Variants in SNX30 observed in about 807,000 individuals in gnomAD.
SNX30 encodes the protein sorting nexin family member 30, also known as sorting nexin-30.
SNX30 carries 24 observed loss-of-function variants against 46.4 expected under a neutral mutation model. The ratio of observed to expected loss-of-function variants is 0.52; its 90% CI spans 0.37 to 0.73. The LOEUF is 0.73. SNX30 is among the 30% of genes least tolerant of loss of function. The pLI is 0.00. For synonymous variants in SNX30, 189 were observed against 211.5 expected (o/e 0.89, Z 0.92); for missense variants, 533 against 555.7 (o/e 0.96, Z 0.41).
intron 1 of SNX30, among the ~76,000 whole-genome samples, chr9:112,752,288 G>C (rs1839290433): frequency 6.6e-6 from 1 of 152,148 alleles, no homozygotes; most frequent in Non-Finnish European, 1.5e-5. Context: ...AGCAGGGAGT[G>C]AAGTTCCAAA....
chr9:112,867,593 C>T (rs1841382130), intron 8 of SNX30, among the ~76,000 whole-genome samples: 1 of 148,516 alleles, frequency 6.7e-6, no homozygotes, highest in Non-Finnish European at 1.5e-5. Flanking sequence ...CCTCCTGGCT[C>T]CTCAGGATTC....
intron 1 of SNX30, among the ~76,000 whole-genome samples, chr9:112,782,668 C>A (rs1839864731): frequency 2.7e-5 from 1 of 36,604 alleles, no homozygotes; most frequent in Admixed American, 3.2e-4. Flanking sequence ...TTTGAAGTTC[C>A]ATAGTTATCA....
At chr9:112,841,220 G>GTT (rs138375627) in intron 6 of SNX30, among the ~76,000 whole-genome samples, 12 of 151,898 alleles carry the variant, frequency 7.9e-5, no homozygotes, top group African/African-American at 2.7e-4. Context: ...AAATTACTCT[G>GTT]TTTTTTTTCC....
intron 2 of SNX30, among the ~76,000 whole-genome samples, chr9:112,813,517 G>A (rs987784881): frequency 6.8e-6 from 1 of 147,778 alleles, no homozygotes; most frequent in African/African-American, 2.5e-5. Flanking sequence ...CGCCCAGGCT[G>A]GAGTGCAGTG....
At chr9:112,775,619 A>G (rs914608310) in intron 1 of SNX30, among the ~76,000 whole-genome samples, 1 of 145,184 alleles carries the variant, frequency 6.9e-6, no homozygotes. Context: ...CAGAATTTAG[A>G]AGTTACAAAA....
chr9:112,827,778 T>TGAA (rs1840600376), intron 3 of SNX30, among the ~76,000 whole-genome samples: 1 of 152,252 alleles, frequency 6.6e-6, no homozygotes. Context: ...GTGTTTAATG[T>TGAA]CTTACTTTGA....
intron 1 of SNX30, among the ~76,000 whole-genome samples, chr9:112,790,986 A>G (rs1474489816): frequency 6.6e-6 from 1 of 152,194 alleles, no homozygotes; most frequent in Non-Finnish European, 1.5e-5. Flanking sequence ...TGTAGTGGAC[A>G]TGGCTTTGTG....
At chr9:112,774,760 T>A (rs1366021984) in intron 1 of SNX30, among the ~76,000 whole-genome samples, 1 of 152,168 alleles carries the variant, frequency 6.6e-6, no homozygotes, top group East Asian at 1.9e-4. Flanking sequence ...TCCTCTTTTG[T>A]GAAGTCTTTG....
chr9:112,823,670 GAGT>G (rs1840539212), intron 3 of SNX30, among the ~76,000 whole-genome samples: 1 of 152,140 alleles, frequency 6.6e-6, no homozygotes, highest in Admixed American at 6.5e-5. Context: ...GTTTTCTTTT[GAGT>G]AGTAGTAAAC....
chr9:112,841,826 CAT>C (rs1455889915), intron 6 of SNX30, among the ~76,000 whole-genome samples: 1 of 152,184 alleles, frequency 6.6e-6, no homozygotes, highest in African/African-American at 2.4e-5. Context: ...CCGAGAGAGT[CAT>C]ATAGTTCCAT....
chr9:112,864,657 G>T (rs530676929), intron 8 of SNX30, among the ~76,000 whole-genome samples: 2 of 152,176 alleles, frequency 1.3e-5, no homozygotes, highest in East Asian at 3.9e-4. Context: ...TGCTTTCTGG[G>T]CCTGGCACTG....
chr9:112,846,548 T>C (rs909494090), intron 6 of SNX30, among the ~76,000 whole-genome samples: 1 of 152,352 alleles, frequency 6.6e-6, no homozygotes. Flanking sequence ...TGCAGGAAAG[T>C]GCCCTTCTAG....
intron 1 of SNX30, among the ~76,000 whole-genome samples, chr9:112,776,223 T>A (rs1839745993): frequency 6.6e-6 from 1 of 152,238 alleles, no homozygotes; most frequent in African/African-American, 2.4e-5. Context: ...TGAGTTTTGG[T>A]CTGTCCTTTT....
At chr9:112,751,243 G>A in intron 1 of SNX30, 86 bp downstream of exon 1, 1 of 1,283,534 alleles carries the variant, frequency 7.8e-7, no homozygotes, top group South Asian at 2.2e-5. Context: ...TGGGCCTGGG[G>A]CCGCGCCCAC....
downstream of SNX30, chr9:112,879,849 G>A: frequency 6.3e-7 from 1 of 1,599,296 alleles, no homozygotes; most frequent in Non-Finnish European, 8.6e-7. Context: ...AGAGTTACAA[G>A]AGAACAGCTG....
At chr9:112,818,886 G>T (rs1360457031) in intron 3 of SNX30, among the ~76,000 whole-genome samples, 3 of 152,122 alleles carry the variant, frequency 2.0e-5, no homozygotes, top group Non-Finnish European at 4.4e-5. Context: ...CTTTCTCAGG[G>T]TATCTCCTTT....
intron 4 of SNX30, among the ~76,000 whole-genome samples, chr9:112,835,509 G>T (rs1330348030): frequency 6.6e-6 from 1 of 151,168 alleles, no homozygotes; most frequent in Non-Finnish European, 1.5e-5. Context: ...TAGAGACAGG[G>T]TTTCACCATG....
intron 1 of SNX30, among the ~76,000 whole-genome samples, chr9:112,760,666 G>C (rs1839420313): frequency 6.6e-6 from 1 of 152,262 alleles, no homozygotes; most frequent in Non-Finnish European, 1.5e-5. Context: ...AAGTTAGAAC[G>C]GGTTCCTGGT....
chr9:112,782,364 CCATAAAGTTTTATTAGAA>C (rs1839859427), intron 1 of SNX30, among the ~76,000 whole-genome samples: 1 of 152,200 alleles, frequency 6.6e-6, no homozygotes, highest in Non-Finnish European at 1.5e-5. Context: ...CCATGCCCTG[CCATAAAGTTTTATTAGAA>C]CATAACCATC....
Sources: gnomAD v4.1 joint callset for allele counts (sites outside exome capture counted in the v4.1 genomes callset) on GRCh38, gnomAD v4.1.1 for gene constraint, MANE v1.5 for transcripts, NCBI Gene and HGNC (gene_info 2026-07-23, HGNC 2026-07-21) for gene names.